RAB19: variants seen among roughly 807,000 people sequenced by gnomAD.
RAB19 encodes ras-related protein Rab-19.
In RAB19, 21 loss-of-function variants were observed where a neutral mutation model predicts 17.3. The observed-to-expected ratio is 1.21, with a 90% CI of 0.86 to 1.74. The LOEUF is 1.74. Among genes scored for constraint, RAB19 ranks in the 40% most tolerant of loss-of-function variants. RAB19 has a pLI of 0.00. For missense variants in RAB19, 277 were observed against 286.8 expected, an observed-to-expected ratio of 0.97 and a Z score of 0.25; for synonymous variants, 126 against 110.4, an observed-to-expected ratio of 1.14 and a Z score of -0.88.
At chr7:140,417,397 A>G (rs1388133859) in intron 3 of RAB19, among the ~76,000 whole-genome samples, 1 of 114,664 alleles carries the variant, frequency 8.7e-6, no homozygotes, top group Admixed American at 1.0e-4. Flanking sequence ...TGGAGACCCT[A>G]TCTCTTAAAA....
chr7:140,407,481 G>C (rs1044186912), intron 1 of RAB19, 143 bp from the exon 2 acceptor site: 3 of 615,746 alleles, frequency 4.9e-6, no homozygotes, highest in Non-Finnish European at 8.7e-6. Flanking sequence ...TCAGCTTATG[G>C]GGACAACTCC....
At position 140,426,012 on chromosome 7, in the gene RAB19, C is replaced by T. The variant is rs371818531; in HGVS notation, c.516C>T (p.Phe172=). 36 of 1,614,036 alleles carry T rather than the reference C, an allele frequency of 2.2e-5. No individual in the cohort carries two copies. In the East Asian group the frequency reaches 3.8e-4, roughly 17 times the overall value. The part of the protein sequence containing the change: ...AKESKNIEEV[F]VLMAKELIAR... ...AGTCAAAGAACATAGAAGAAGTCTT[C>T]GTGCTCATGGCCAAGGAGCTGATCG... Residue 172 remains phenylalanine, a synonymous_variant, in exon 4 of 4, where the codon TTC becomes TTT. Coordinates refer to ENST00000537763, the MANE Select transcript of RAB19 (RefSeq NM_001008749.3).
chr7:140,426,125 G>T lies in RAB19; in HGVS notation c.629G>T (p.Ser210Ile), dbSNP rs1325441561. Residue 210 changes from serine to isoleucine, a missense_variant, in exon 4 of 4, where the codon AGT becomes ATT. Physicochemically the swap from Ser to Ile is moderately radical, Grantham distance 142. Coordinates refer to ENST00000537763, the MANE Select transcript of RAB19 (RefSeq NM_001008749.3). Reference sequence around the variant, plus strand: ...CCCGTTCTTATGGCCCAGGGTCCAAGTGAAAAGACCCACTGCACTTGCTAA... The same window carrying T: ...CCCGTTCTTATGGCCCAGGGTCCAATTGAAAAGACCCACTGCACTTGCTAA... ...SSPVLMAQGP[S>I]EKTHCTC 3 of 1,613,858 alleles carry T rather than the reference G, an allele frequency of 1.9e-6. No individual in the cohort carries two copies. Among genetic ancestry groups the T allele is most frequent in the Non-Finnish European group, 2.5e-6 (3 of 1,179,960 alleles).
intron 3 of RAB19, among the ~76,000 whole-genome samples, chr7:140,415,227 A>G (rs1799435350): frequency 6.6e-6 from 1 of 151,992 alleles, no homozygotes; most frequent in Non-Finnish European, 1.5e-5. Context: ...GGCACCTGCC[A>G]TCACGCCCAG....
Position 140,427,741 on chromosome 7 carries a change from C to T in RAB19, c.*1591C>T, listed in dbSNP as rs893510388. ...TGCTGGGATTACAGGTGTGAACCAC[C>T]GCACCTGGCCTTTTTTTATTATTAT... On this transcript the variant is annotated 3_prime_UTR_variant, in exon 4 of 4. Coordinates refer to ENST00000537763, the MANE Select transcript of RAB19 (RefSeq NM_001008749.3). Among the ~76,000 whole-genome samples, 4 of 151,990 alleles carry T rather than the reference C, an allele frequency of 2.6e-5. No individual in the cohort carries two copies. Among genetic ancestry groups the T allele is most frequent in the East Asian group, 1.9e-4 (1 of 5,166 alleles).
At chr7:140,406,566 A>G (rs967069843) in intron 1 of RAB19, among the ~76,000 whole-genome samples, 3 of 151,362 alleles carry the variant, frequency 2.0e-5, no homozygotes, top group African/African-American at 7.3e-5. Flanking sequence ...TTTGAACTGG[A>G]AGGCAGAGGT....
In RAB19 at chr7:140,426,113, C is replaced by T; in HGVS notation, c.617C>T (p.Ala206Val). 6.2e-7 allele frequency: 1 copy of T among 1,614,112 alleles called. No individual in the cohort carries two copies. Among genetic ancestry groups the T allele is most frequent in the Non-Finnish European group, 8.5e-7 (1 of 1,180,014 alleles). Reference sequence around the variant, plus strand: ...CTGGACTCCAGCCCCGTTCTTATGGCCCAGGGTCCAAGTGAAAAGACCCAC... The same window carrying T: ...CTGGACTCCAGCCCCGTTCTTATGGTCCAGGGTCCAAGTGAAAAGACCCAC... ...LPLDSSPVLM[A>V]QGPSEKTHCT... Residue 206 changes from alanine to valine, a missense_variant, in exon 4 of 4, where the codon GCC becomes GTC. By Grantham distance (64) the Ala-to-Val change is moderately conservative. Transcript: ENST00000537763.
chr7:140,424,619 C>CTATATA (rs369975658), intron 3 of RAB19, among the ~76,000 whole-genome samples: 9 of 87,896 alleles, frequency 1.0e-4, no homozygotes, highest in South Asian at 6.5e-4. Flanking sequence ...CTCTCTCTCT[C>CTATATA]TATATATATA....
rs1799675705 is a variant in RAB19 at position 140,426,621 on chromosome 7, G to A, written c.*471G>A. Among the ~76,000 whole-genome samples, 1 of 152,164 alleles carries A rather than the reference G, an allele frequency of 6.6e-6. No homozygotes were observed. The highest frequency in any genetic ancestry group is 2.4e-5 in the African/African-American group (1 of 41,436). On this transcript the variant is annotated 3_prime_UTR_variant, in exon 4 of 4. Transcript: ENST00000537763. ...GGAGAATGGAACGAAAGCCTGCAAT[G>A]AGAAACCAGAATGCTGCTATCATTT...
At chr7:140,410,999 T>G in intron 2 of RAB19, 2 of 1,367,786 alleles carry the variant, frequency 1.5e-6, no homozygotes, top group South Asian at 1.1e-5. Flanking sequence ...TTATCACCTT[T>G]GCCAGTATTC....
rs146831416 is a variant in RAB19, at chr7:140,409,643, A to T, written c.201+1796A>T. On this transcript the variant is annotated intron_variant, in intron 2 of 3. Transcript: ENST00000537763. The stretch of plus-strand genomic sequence containing the variant: ...AACCCAGGAGGCAGAGGTTGCAGTG[A>T]GCTGAGATCACACCATTGCACTCCA... Among the ~76,000 whole-genome samples the T allele has an allele frequency of 6.6e-3, 1,002 of 152,194 alleles. 11 individuals are homozygous for T. Among genetic ancestry groups the T allele is most frequent in the African/African-American group, 0.023 (949 of 41,516 alleles).
chr7:140,405,677 C>G (rs777469695), intron 1 of RAB19, among the ~76,000 whole-genome samples: 1 of 151,498 alleles, frequency 6.6e-6, no homozygotes, highest in African/African-American at 2.4e-5. Context: ...TGCGGCCTGG[C>G]GCACTAAACA....
chr7:140,410,873 G>A (rs1799346820), intron 2 of RAB19: 2 of 1,288,314 alleles, frequency 1.6e-6, no homozygotes, highest in Non-Finnish European at 1.1e-6. Flanking sequence ...CACTGTGAGA[G>A]GCTGTGTGAA....
chr7:140,408,188 T>C (rs1008430039), intron 2 of RAB19, among the ~76,000 whole-genome samples: 1 of 151,806 alleles, frequency 6.6e-6, no homozygotes, highest in Non-Finnish European at 1.5e-5. Context: ...CCTGGCCAGT[T>C]CCACCTTTTT....
intron 3 of RAB19, among the ~76,000 whole-genome samples, chr7:140,416,711 C>G (rs1799464123): frequency 6.6e-6 from 1 of 152,162 alleles, no homozygotes; most frequent in Non-Finnish European, 1.5e-5. Flanking sequence ...GTGTGCAGCC[C>G]TGGCTGTTGG....
intron 3 of RAB19, among the ~76,000 whole-genome samples, chr7:140,413,305 A>G (rs1158976058): frequency 3.3e-5 from 5 of 151,600 alleles, no homozygotes; most frequent in Non-Finnish European, 7.4e-5. Flanking sequence ...ATTTGAAGTC[A>G]GGCAATGTGA....
rs1228122756 is a variant in RAB19, at chr7:140,426,662, C to T, written c.*512C>T. On this transcript the variant is annotated 3_prime_UTR_variant, in exon 4 of 4. Coordinates refer to ENST00000537763, the MANE Select transcript of RAB19 (RefSeq NM_001008749.3). ...GCTATCATTTTGTTCCTGACATTCA[C>T]ACCTCAGGTCTTCACTTTGGGGAGC... Among the ~76,000 whole-genome samples, 1 of 152,106 alleles carries T rather than the reference C, an allele frequency of 6.6e-6. No homozygotes were observed. Among genetic ancestry groups the T allele is most frequent in the Non-Finnish European group, 1.5e-5 (1 of 68,022 alleles).
At chr7:140,425,545 C>T (rs1224534502) in intron 3 of RAB19, among the ~76,000 whole-genome samples, 1 of 151,708 alleles carries the variant, frequency 6.6e-6, no homozygotes, top group East Asian at 2.0e-4. Flanking sequence ...GTCAATATGG[C>T]AAAACACCTT....
At position 140,426,247 on chromosome 7, in the gene RAB19, C is replaced by A. The variant is rs1799670547; in HGVS notation, c.*97C>A. On this transcript the variant is annotated 3_prime_UTR_variant, in exon 4 of 4. Coordinates refer to ENST00000537763, the MANE Select transcript of RAB19 (RefSeq NM_001008749.3). ...TGTTGCCCCAGTGGCGCTTTAGACC[C>A]CAGCGTGGACTTGCCGCTCACCCCT... 3 of 1,415,376 alleles carry A rather than the reference C, an allele frequency of 2.1e-6. No individual in the cohort carries two copies. The Admixed American group carries it at 7.3e-5, about 34-fold the overall frequency. The allele number at this position is 1,415,376 out of a possible 1,614,324, so 87.7% of individuals were successfully genotyped here.
Sources: gnomAD v4.1 joint callset for allele counts (sites outside exome capture counted in the v4.1 genomes callset) on GRCh38, gnomAD v4.1.1 for gene constraint, MANE v1.5 for transcripts, NCBI Gene and HGNC (gene_info 2026-07-23, HGNC 2026-07-21) for gene names.